Variants in VWA3A observed in about 807,000 individuals in gnomAD.
The protein encoded by VWA3A is von Willebrand factor A domain-containing protein 3A.
VWA3A carries 134 observed loss-of-function variants against 160.4 expected under a neutral mutation model. The ratio of observed to expected loss-of-function variants is 0.84; its 90% CI spans 0.73 to 0.96. The LOEUF (loss-of-function observed/expected upper bound fraction) is 0.96. Among genes scored for constraint, VWA3A ranks in the 40% least tolerant of loss-of-function variants. The probability of loss-of-function intolerance (pLI) is 0.00; values close to 1 mark genes in which losing one functional copy is unlikely to be tolerated. For missense variants in VWA3A, 1,310 were observed against 1,447.9 expected (o/e 0.90, Z 1.55); for synonymous variants, 476 against 543.4 (o/e 0.88, Z 1.72).
intron 3 of VWA3A, among the ~76,000 whole-genome samples, chr16:22,098,712 C>T (rs1202494928): frequency 2.0e-5 from 3 of 152,022 alleles, no homozygotes; most frequent in Non-Finnish European, 4.4e-5. Flanking sequence ...ATGAATAATA[C>T]AAAATCTGTG....
intron 26 of VWA3A, 57 bp from the exon 27 acceptor site, chr16:22,146,179 G>A: frequency 7.4e-7 from 1 of 1,358,956 alleles, no homozygotes; most frequent in Non-Finnish European, 1.0e-6. Flanking sequence ...GGGGGTGATG[G>A]GGATATGAAG....
chr16:22,103,706 T>C (rs1316721913), intron 6 of VWA3A, among the ~76,000 whole-genome samples, 177 bp downstream of exon 6: 2 of 152,160 alleles, frequency 1.3e-5, no homozygotes, highest in Non-Finnish European at 2.9e-5. Context: ...GCTCAGATGA[T>C]GTCACCTCTA....
intron 6 of VWA3A, among the ~76,000 whole-genome samples, chr16:22,103,898 A>T (rs939347375): frequency 6.6e-6 from 1 of 152,190 alleles, no homozygotes; most frequent in African/African-American, 2.4e-5. Context: ...AGCCAAGGAG[A>T]TGAAATATAC....
At chr16:22,128,687 C>T (rs528820673) in intron 17 of VWA3A, among the ~76,000 whole-genome samples, 1 of 152,222 alleles carries the variant, frequency 6.6e-6, no homozygotes, top group African/African-American at 2.4e-5. Context: ...TGTAAATGCC[C>T]AGCAGTGGTA....
intron 12 of VWA3A, among the ~76,000 whole-genome samples, chr16:22,119,408 C>T (rs950493827): frequency 1.3e-5 from 2 of 152,218 alleles, no homozygotes; most frequent in Non-Finnish European, 2.9e-5. Flanking sequence ...CCATGGCTTA[C>T]ACCTGAAATC....
intron 25 of VWA3A, among the ~76,000 whole-genome samples, chr16:22,143,400 G>A (rs1307266865): frequency 2.6e-5 from 4 of 152,130 alleles, no homozygotes; most frequent in Admixed American, 2.6e-4. Context: ...TGTGCATAAG[G>A]GGATAGTTGT....
At chr16:22,118,289 A>G (rs2045677374) in intron 11 of VWA3A, among the ~76,000 whole-genome samples, 1 of 152,116 alleles carries the variant, frequency 6.6e-6, no homozygotes, top group Admixed American at 6.6e-5. Context: ...TCTAAAAATA[A>G]TAACAAAATA....
chr16:22,154,256 C>T (rs1021964849), intron 31 of VWA3A, among the ~76,000 whole-genome samples: 1 of 151,600 alleles, frequency 6.6e-6, no homozygotes, highest in African/African-American at 2.4e-5. Flanking sequence ...ATTGTTTTTG[C>T]ATGCAGAATG....
chr16:22,124,842 A>G (rs1010070583), intron 16 of VWA3A, among the ~76,000 whole-genome samples: 2 of 152,128 alleles, frequency 1.3e-5, no homozygotes, highest in African/African-American at 2.4e-5. Flanking sequence ...AACTTGAACC[A>G]AGGTCTTCTG....
intron 17 of VWA3A, among the ~76,000 whole-genome samples, chr16:22,128,169 G>A (rs2045884939): frequency 6.6e-6 from 1 of 152,128 alleles, no homozygotes; most frequent in African/African-American, 2.4e-5. Context: ...ATTGATATAG[G>A]CCATGCTCAC....
intron 8 of VWA3A, among the ~76,000 whole-genome samples, chr16:22,114,513 A>C (rs2045603197): frequency 6.6e-6 from 1 of 152,244 alleles, no homozygotes; most frequent in Admixed American, 6.5e-5. Flanking sequence ...TCTTAGAGTC[A>C]GACCTGGTTT....
Position 22,115,336 on chromosome 16 carries a change from T to C in VWA3A, c.690-11T>C. The C allele has an allele frequency of 6.3e-7, 1 of 1,578,856 alleles. No homozygotes were observed. The highest frequency in any genetic ancestry group is 8.6e-7 in the Non-Finnish European group (1 of 1,165,084). On this transcript the variant is annotated splice_polypyrimidine_tract_variant and intron_variant, in intron 8 of 33. Coordinates refer to ENST00000389398, the MANE Select transcript of VWA3A (RefSeq NM_173615.5). ...TCTTATAATTAGGTTGCTGTTGTTGTCTCCTCCCAGCCTCCAGGAACTTAA... is the reference window on the plus strand; with the variant it reads ...TCTTATAATTAGGTTGCTGTTGTTGCCTCCTCCCAGCCTCCAGGAACTTAA...
intron 29 of VWA3A, 54 bp from the exon 30 acceptor site, chr16:22,150,639 TTG>T: frequency 6.5e-7 from 1 of 1,538,548 alleles, no homozygotes; most frequent in Non-Finnish European, 8.8e-7. Context: ...CATTTGGTTC[TTG>T]TGTTCTGGGT....
intron 27 of VWA3A, chr16:22,147,718 C>G (rs2046278954): frequency 2.9e-6 from 2 of 699,358 alleles, no homozygotes; most frequent in Non-Finnish European, 5.2e-6. Flanking sequence ...TCACATTACC[C>G]CTGGGAACGG....
intron 15 of VWA3A, 106 bp from the exon 16 acceptor site, chr16:22,123,507 T>C: frequency 1.2e-6 from 2 of 1,603,708 alleles, no homozygotes; most frequent in South Asian, 2.2e-5. Context: ...TCCCAGGGAC[T>C]TGACACACCA....
chr16:22,094,967 C>CA (rs565358806), intron 1 of VWA3A, among the ~76,000 whole-genome samples: 854 of 65,766 alleles, frequency 0.013, 6 homozygotes, highest in South Asian at 0.081. Flanking sequence ...GACTCCGTCT[C>CA]AAAAAAAAAA....
intron 5 of VWA3A, 85 bp from the exon 6 acceptor site, chr16:22,103,390 C>A: frequency 2.4e-6 from 3 of 1,244,792 alleles, no homozygotes; most frequent in South Asian, 1.4e-5. Flanking sequence ...AACAATTATT[C>A]ATACCTGCCT....
intron 17 of VWA3A, among the ~76,000 whole-genome samples, chr16:22,129,405 AG>A (rs758749842): frequency 7.3e-6 from 1 of 137,242 alleles, no homozygotes; most frequent in Non-Finnish European, 1.6e-5. Context: ...AAAAAAAAAA[AG>A]AAAGAAAGAA....
At chr16:22,153,343 AAAAC>A (rs1436568912) in intron 31 of VWA3A, among the ~76,000 whole-genome samples, 4 of 152,218 alleles carry the variant, frequency 2.6e-5, no homozygotes, top group Non-Finnish European at 4.4e-5. Flanking sequence ...ACTCCGTCTC[AAAAC>A]AAACAAACAA....
Sources: allele counts gnomAD v4.1 joint callset (sites outside exome capture counted in the v4.1 genomes callset), GRCh38; gene constraint gnomAD v4.1.1; transcripts MANE v1.5; gene names NCBI Gene and HGNC (gene_info 2026-07-23, HGNC 2026-07-21).